Variants in EPM2AIP1 observed in about 807,000 individuals in gnomAD.
EPM2AIP1 encodes EPM2A-interacting protein 1.
EPM2AIP1 carries 23 observed loss-of-function variants against 44.8 expected under a neutral mutation model. The observed-to-expected ratio is 0.51, with a 90% confidence interval of 0.37 to 0.73. EPM2AIP1 has a LOEUF of 0.73. EPM2AIP1 is among the 30% of genes least tolerant of loss of function. EPM2AIP1 has a pLI of 0.00. For missense variants in EPM2AIP1, 652 were observed against 743.9 expected (o/e 0.88, Z 1.44); for synonymous variants, 311 against 284.3 (o/e 1.09, Z -0.94).
At position 36,988,344 on chromosome 3, in the gene EPM2AIP1, A is replaced by G. The variant is rs2080781393; in HGVS notation, c.*2910T>C. 1 of 152,222 alleles carries G rather than the reference A, an allele frequency of 6.6e-6. No individual in the cohort carries two copies. Among genetic ancestry groups the G allele is most frequent in the Non-Finnish European group, 1.5e-5 (1 of 68,042 alleles). 9.4% of individuals were successfully genotyped at this position (152,222 alleles called of 1,614,324 possible). ...TAAAAAGGACAAATGAATGGTTGGT[A>G]GTGGTAATGCCATTTAGTCAAAGAG... On this transcript the variant is annotated 3_prime_UTR_variant, in exon 1 of 1. Coordinates refer to ENST00000322716, the MANE Select transcript of EPM2AIP1 (RefSeq NM_014805.4).
At position 36,990,771 on chromosome 3, in the gene EPM2AIP1, C is replaced by A; in HGVS notation, c.*483G>T. ...AACATTTTGATGGTTAGACAAAACACCTCCACTGTTATGTATGGGCTTCCT... is the reference window on the plus strand; with the variant it reads ...AACATTTTGATGGTTAGACAAAACAACTCCACTGTTATGTATGGGCTTCCT... On this transcript the variant is annotated 3_prime_UTR_variant, in exon 1 of 1. Transcript: ENST00000322716. The A allele has an allele frequency of 2.0e-6, 2 of 985,550 alleles. No homozygotes were observed. Among genetic ancestry groups the A allele is most frequent in the Non-Finnish European group, 2.4e-6 (2 of 829,974 alleles). The allele number at this position is 985,550 out of a possible 1,614,324, so 61.1% of individuals were successfully genotyped here. A position where few individuals can be genotyped will look rare whatever the true frequency, so the allele number is the denominator to read the frequency against.
In EPM2AIP1 at chr3:36,992,579, T is replaced by A. The variant is rs768839019; in HGVS notation, c.499A>T (p.Asn167Tyr). 6 of 1,613,992 alleles carry A rather than the reference T, an allele frequency of 3.7e-6. No individual in the cohort carries two copies. Among genetic ancestry groups the A allele is most frequent in the Middle Eastern group, 3.3e-4 (2 of 6,062 alleles). ...IDRNLRNQLF[N>Y]RARDFKAYSL... ...TAGGCTTTAAAGTCCCTGGCTCGGT[T>A]AAAAAGCTGGTTGCGTAGATTCCTG... Residue 167 changes from asparagine to tyrosine, a missense_variant, in exon 1 of 1, where the codon AAC becomes TAC. Transcript: ENST00000322716. This position sits in a 1 kb window ranked among gnomAD's most constrained non-coding sequence, Gnocchi z 5.3.
Position 36,987,287 on chromosome 3 carries a change from C to G in EPM2AIP1, c.*3967G>C, listed in dbSNP as rs1451944333. ...CATTTTCTCCTAGTGTTGATGCCTACAAAAGGAAAAATGATTATTAACTCT... is the reference window on the plus strand; with the variant it reads ...CATTTTCTCCTAGTGTTGATGCCTAGAAAAGGAAAAATGATTATTAACTCT... On this transcript the variant is annotated 3_prime_UTR_variant, in exon 1 of 1. Transcript: ENST00000322716. The G allele has an allele frequency of 1.3e-5, 2 of 152,378 alleles. No individual in the cohort carries two copies. Among genetic ancestry groups the G allele is most frequent in the Non-Finnish European group, 2.9e-5 (2 of 67,986 alleles). 9.4% of individuals were successfully genotyped at this position (152,378 alleles called of 1,614,324 possible).
rs749282051 is a variant in EPM2AIP1 at position 36,992,594 on chromosome 3, G to A, written c.484C>T (p.Arg162Cys). 3 of 1,614,034 alleles carry A rather than the reference G, an allele frequency of 1.9e-6. No individual in the cohort carries two copies. The highest frequency in any genetic ancestry group is 2.5e-6 in the Non-Finnish European group (3 of 1,179,900). The change falls in exon 1 of 1, where the codon CGC (arginine) becomes TGC (cysteine). Residue 162 changes from arginine (R) to cysteine (C), a missense_variant. Coordinates refer to ENST00000322716, the MANE Select transcript of EPM2AIP1 (RefSeq NM_014805.4). The surrounding 1 kb of genome is among the most constrained non-coding windows in gnomAD (Gnocchi z 5.3). Reference sequence around the variant, plus strand: ...CTGGCTCGGTTAAAAAGCTGGTTGCGTAGATTCCTGTCAATGCTCAGGATC... The same window carrying A: ...CTGGCTCGGTTAAAAAGCTGGTTGCATAGATTCCTGTCAATGCTCAGGATC... The part of the protein sequence containing the change: ...QRILSIDRNL[R>C]NQLFNRARDF...
Position 36,993,122 on chromosome 3 carries a change from A to C in EPM2AIP1, c.-45T>G. 6.4e-7 allele frequency: 1 copy of C among 1,557,770 alleles called. No homozygotes were observed. Among genetic ancestry groups the C allele is most frequent in the Non-Finnish European group, 8.7e-7 (1 of 1,150,542 alleles). ...GCAGGGCCAACGTTAGAAAGGCCGC[A>C]AGGGGAGAGGAGGAGCCTGAGAAGC... On this transcript the variant is annotated 5_prime_UTR_variant, in exon 1 of 1. Coordinates refer to ENST00000322716, the MANE Select transcript of EPM2AIP1 (RefSeq NM_014805.4).
In EPM2AIP1 at chr3:36,990,599, A is replaced by G. The variant is rs1487153342; in HGVS notation, c.*655T>C. The G allele has an allele frequency of 1.0e-6, 1 of 985,468 alleles. No individual in the cohort carries two copies. The highest frequency in any genetic ancestry group is 1.1e-4 in the East Asian group (1 of 8,820). 61.0% of individuals were successfully genotyped at this position (985,468 alleles called of 1,614,324 possible). ...TTAGTCTTATCTCCAAATTGCATGA[A>G]GTCTCCTATATCTGAAACTTAAAAA... On this transcript the variant is annotated 3_prime_UTR_variant, in exon 1 of 1. Coordinates refer to ENST00000322716, the MANE Select transcript of EPM2AIP1 (RefSeq NM_014805.4).
chr3:36,991,372 T>A lies in EPM2AIP1; in HGVS notation c.1706A>T (p.His569Leu). The A allele has an allele frequency of 6.2e-7, 1 of 1,613,990 alleles. No individual in the cohort carries two copies. Among genetic ancestry groups the A allele is most frequent in the Non-Finnish European group, 8.5e-7 (1 of 1,179,884 alleles). Residue 569 changes from histidine to leucine, a missense_variant, in exon 1 of 1, where the codon CAC becomes CTC. Physicochemically the swap from His to Leu is moderately conservative, Grantham distance 99. Coordinates refer to ENST00000322716, the MANE Select transcript of EPM2AIP1 (RefSeq NM_014805.4). ...KAFSYLTRNQ[H>L]TLSQPLTDEH... ...ATCTGTTAATGGCTGACTCAAAGTGTGTTGGTTTCGAGTCAAATATGAAAA... is the reference window on the plus strand; with the variant it reads ...ATCTGTTAATGGCTGACTCAAAGTGAGTTGGTTTCGAGTCAAATATGAAAA...
Position 36,986,638 on chromosome 3 carries a change from T to C in EPM2AIP1, c.*4616A>G, listed in dbSNP as rs2080770943. On this transcript the variant is annotated 3_prime_UTR_variant, in exon 1 of 1. Coordinates refer to ENST00000322716, the MANE Select transcript of EPM2AIP1 (RefSeq NM_014805.4). ...TCCACATAAAAATACAAAAATTAGC[T>C]GGGTGTACTCGTGTATACCTGTATT... 1 of 151,850 alleles carries C rather than the reference T, an allele frequency of 6.6e-6. No individual in the cohort carries two copies. The highest frequency in any genetic ancestry group is 1.5e-5 in the Non-Finnish European group (1 of 67,984). The allele number at this position is 151,850 out of a possible 1,614,324, so 9.4% of individuals were successfully genotyped here. A position where few individuals can be genotyped will look rare whatever the true frequency, so the allele number is the denominator to read the frequency against.
chr3:36,988,698 G>C lies in EPM2AIP1; in HGVS notation c.*2556C>G, dbSNP rs529860849. 1 of 152,320 alleles carries C rather than the reference G, an allele frequency of 6.6e-6. No individual in the cohort carries two copies. The highest frequency in any genetic ancestry group is 1.5e-5 in the Non-Finnish European group (1 of 68,028). 9.4% of individuals were successfully genotyped at this position (152,320 alleles called of 1,614,324 possible). A position where few individuals can be genotyped will look rare whatever the true frequency, so the allele number is the denominator to read the frequency against. On this transcript the variant is annotated 3_prime_UTR_variant, in exon 1 of 1. Transcript: ENST00000322716. The stretch of plus-strand genomic sequence containing the variant: ...AAAGCTAAAGTCATCAAGTGTTCAA[G>C]TGTTTCAAGGAGGGTAAGACTATTA...
rs1456525821 is a variant in EPM2AIP1, at chr3:36,990,402, T to C, written c.*852A>G. ...TCCTAATCCTGGAGTGCAATCTTTT[T>C]TCCTCATCGTTTTTGATAGGGCCAA... On this transcript the variant is annotated 3_prime_UTR_variant, in exon 1 of 1. Coordinates refer to ENST00000322716, the MANE Select transcript of EPM2AIP1 (RefSeq NM_014805.4). The C allele has an allele frequency of 1.0e-6, 1 of 984,926 alleles. No homozygotes were observed. Among genetic ancestry groups the C allele is most frequent in the Non-Finnish European group, 1.2e-6 (1 of 829,438 alleles). The allele number at this position is 984,926 out of a possible 1,614,324, so 61.0% of individuals were successfully genotyped here.
chr3:36,987,478 G>GT lies in EPM2AIP1; in HGVS notation c.*3775dup, dbSNP rs2080776604. ...ATATATATGACACTGTTTACAAAGG[G>GT]TAAAAAAAAATAAGATTCTATACAT... On this transcript the variant is annotated 3_prime_UTR_variant, in exon 1 of 1. Transcript: ENST00000322716. 2.0e-5 allele frequency: 3 copies of GT among 148,586 alleles called. No individual in the cohort carries two copies. Among genetic ancestry groups the GT allele is most frequent in the Admixed American group, 2.0e-4 (3 of 14,908 alleles). The allele number at this position is 148,586 out of a possible 1,614,324, so 9.2% of individuals were successfully genotyped here.
At position 36,993,129 on chromosome 3, in the gene EPM2AIP1, G is replaced by C. The variant is rs918130750; in HGVS notation, c.-52C>G. 2 of 1,547,558 alleles carry C rather than the reference G, an allele frequency of 1.3e-6. No homozygotes were observed. Among genetic ancestry groups the C allele is most frequent in the Non-Finnish European group, 1.7e-6 (2 of 1,146,136 alleles). Reference sequence around the variant, plus strand: ...CAACGTTAGAAAGGCCGCAAGGGGAGAGGAGGAGCCTGAGAAGCGCCAAGC... The same window carrying C: ...CAACGTTAGAAAGGCCGCAAGGGGACAGGAGGAGCCTGAGAAGCGCCAAGC... On this transcript the variant is annotated 5_prime_UTR_variant, in exon 1 of 1. Coordinates refer to ENST00000322716, the MANE Select transcript of EPM2AIP1 (RefSeq NM_014805.4).
Position 36,986,450 on chromosome 3 carries a change from T to C in EPM2AIP1, c.*4804A>G, listed in dbSNP as rs1422403001. ...AATGGGAAATCCTTTTACAAATAAA[T>C]AAAAAGAGAAATCCTTTAGCCAAAA... On this transcript the variant is annotated 3_prime_UTR_variant, in exon 1 of 1. Coordinates refer to ENST00000322716, the MANE Select transcript of EPM2AIP1 (RefSeq NM_014805.4). 6.6e-6 allele frequency: 1 copy of C among 152,010 alleles called. No individual in the cohort carries two copies. The highest frequency in any genetic ancestry group is 2.4e-5 in the African/African-American group (1 of 41,388). The allele number at this position is 152,010 out of a possible 1,614,324, so 9.4% of individuals were successfully genotyped here.
rs4647200 is a variant in EPM2AIP1 at position 36,991,971 on chromosome 3, T to G, written c.1107A>C (p.Thr369=). 0.041 allele frequency: 65,779 copies of G among 1,613,872 alleles called. 1,611 individuals carry two copies. Among genetic ancestry groups the G allele is most frequent in the Non-Finnish European group, 0.05 (59,251 of 1,179,854 alleles). ...EAFLVSVGAT[T]VHFSDKQWLC... ...GCCATTGTTTGTCTGAGAAGTGGAC[T>G]GTTGTTGCCCCTACTGAAACCAAGA... is the stretch of plus-strand genomic sequence containing the variant. Residue 369 remains threonine (T), a synonymous_variant, in exon 1 of 1, where the codon ACA becomes ACC. Transcript: ENST00000322716.
Position 36,991,564 on chromosome 3 carries a change from A to G in EPM2AIP1, c.1514T>C (p.Val505Ala). The G allele has an allele frequency of 1.2e-6, 2 of 1,613,678 alleles. No homozygotes were observed. Among genetic ancestry groups the G allele is most frequent in the Non-Finnish European group, 1.7e-6 (2 of 1,179,736 alleles). ...KPEYAPISVR[V>A]ELTKLQANTN... Reference sequence around the variant, plus strand: ...GTTTGCCTGAAGTTTTGTTAGCTCCACCCTCACTGAAATAGGTGCATATTC... The same window carrying G: ...GTTTGCCTGAAGTTTTGTTAGCTCCGCCCTCACTGAAATAGGTGCATATTC... Residue 505 changes from valine (V) to alanine (A), a missense_variant, in exon 1 of 1, where the codon GTG becomes GCG. By Grantham distance (64) the Val-to-Ala change is moderately conservative (BLOSUM62 0). Transcript: ENST00000322716.
Position 36,990,988 on chromosome 3 carries a change from T to C in EPM2AIP1, c.*266A>G, listed in dbSNP as rs1271588090. 8.9e-7 allele frequency: 1 copy of C among 1,124,402 alleles called. No homozygotes were observed. Among genetic ancestry groups the C allele is most frequent in the African/African-American group, 1.6e-5 (1 of 61,934 alleles). The allele number at this position is 1,124,402 out of a possible 1,614,324, so 69.7% of individuals were successfully genotyped here. On this transcript the variant is annotated 3_prime_UTR_variant, in exon 1 of 1. Transcript: ENST00000322716. Reference sequence around the variant, plus strand: ...AAATTCAACTCACATTAATACTAAATCTCTTTAAAATTAACTATATCATAA... The same window carrying C: ...AAATTCAACTCACATTAATACTAAACCTCTTTAAAATTAACTATATCATAA...
Position 36,988,688 on chromosome 3 carries a change from A to T in EPM2AIP1, c.*2566T>A, listed in dbSNP as rs2080783462. ...GTATCTCCTCAAAGCTAAAGTCATC[A>T]AGTGTTCAAGTGTTTCAAGGAGGGT... On this transcript the variant is annotated 3_prime_UTR_variant, in exon 1 of 1. Coordinates refer to ENST00000322716, the MANE Select transcript of EPM2AIP1 (RefSeq NM_014805.4). 1 of 152,184 alleles carries T rather than the reference A, an allele frequency of 6.6e-6. No individual in the cohort carries two copies. Among genetic ancestry groups the T allele is most frequent in the South Asian group, 2.1e-4 (1 of 4,834 alleles). 9.4% of individuals were successfully genotyped at this position (152,184 alleles called of 1,614,324 possible). A position where few individuals can be genotyped will look rare whatever the true frequency, so the allele number is the denominator to read the frequency against.
rs1192326053 is a variant in EPM2AIP1, at chr3:36,993,112, GA to G, written c.-36del. 2 of 1,565,514 alleles carry G rather than the reference GA, an allele frequency of 1.3e-6. No homozygotes were observed. On this transcript the variant is annotated 5_prime_UTR_variant, in exon 1 of 1. Coordinates refer to ENST00000322716, the MANE Select transcript of EPM2AIP1 (RefSeq NM_014805.4). ...GGCCACAAGAGCAGGGCCAACGTTA[GA>G]AAGGCCGCAAGGGGAGAGGAGGAGC... is the stretch of plus-strand genomic sequence containing the variant.
At position 36,988,385 on chromosome 3, in the gene EPM2AIP1, G is replaced by C. The variant is rs983272538; in HGVS notation, c.*2869C>G. On this transcript the variant is annotated 3_prime_UTR_variant, in exon 1 of 1. Transcript: ENST00000322716. ...AGTCAAAGAGGAAACATGAGAGGAGGAGCAGGATTGGGGGCAAGATCAATG... is the reference window on the plus strand; with the variant it reads ...AGTCAAAGAGGAAACATGAGAGGAGCAGCAGGATTGGGGGCAAGATCAATG... The C allele has an allele frequency of 2.0e-5, 3 of 152,090 alleles. No individual in the cohort carries two copies. Among genetic ancestry groups the C allele is most frequent in the Non-Finnish European group, 1.5e-5 (1 of 68,016 alleles). 9.4% of individuals were successfully genotyped at this position (152,090 alleles called of 1,614,324 possible). A position where few individuals can be genotyped will look rare whatever the true frequency, so the allele number is the denominator to read the frequency against.
Sources: allele counts gnomAD v4.1 joint callset, GRCh38; gene constraint gnomAD v4.1.1; non-coding constraint Gnocchi (gnomAD v3.1); transcripts MANE v1.5; gene names NCBI Gene and HGNC (gene_info 2026-07-23, HGNC 2026-07-21).